MOGAT1: variants seen among roughly 807,000 people sequenced by gnomAD.
The protein encoded by MOGAT1 is monoacylglycerol O-acyltransferase 1.
MOGAT1 carries 32 observed loss-of-function variants against 31.4 expected under a neutral mutation model. The observed-to-expected ratio is 1.02, with a 90% CI of 0.77 to 1.37. The LOEUF (loss-of-function observed/expected upper bound fraction) is 1.37. MOGAT1 is among the 40% of genes most tolerant of loss of function. The pLI is 0.00. For missense variants in MOGAT1, 426 were observed against 402.0 expected, an observed-to-expected ratio of 1.06 and a Z score of -0.51; for synonymous variants, 145 against 144.5, an observed-to-expected ratio of 1.00 and a Z score of -0.03.
At chr2:222,689,241 A>G in intron 2 of MOGAT1, 24 bp from the exon 3 acceptor site, 1 of 1,546,368 alleles carries the variant, frequency 6.5e-7, no homozygotes, top group African/African-American at 1.4e-5. Flanking sequence ...TTTTTTTTAA[A>G]ATCTCAATAT....
At chr2:222,702,603 C>T (rs1692943330) in intron 5 of MOGAT1, among the ~76,000 whole-genome samples, 1 of 151,834 alleles carries the variant, frequency 6.6e-6, no homozygotes, top group Non-Finnish European at 1.5e-5. Flanking sequence ...TGTATTCCTT[C>T]TGAAGGTTTG....
intron 3 of MOGAT1, among the ~76,000 whole-genome samples, chr2:222,693,448 GTTTTTT>G (rs11331017): frequency 4.3e-5 from 5 of 116,190 alleles, no homozygotes; most frequent in African/African-American, 1.5e-4. Context: ...CAAATGTCTT[GTTTTTT>G]TTTTTTTTTT....
chr2:222,681,018 T>A (rs1179679769), intron 1 of MOGAT1, among the ~76,000 whole-genome samples: 1 of 152,170 alleles, frequency 6.6e-6, no homozygotes, highest in African/African-American at 2.4e-5. Context: ...ATCATTAATG[T>A]ATGGGAATTG....
At chr2:222,689,238 TAAAA>T in intron 2 of MOGAT1, 23 bp from the exon 3 acceptor site, 1 of 1,539,958 alleles carries the variant, frequency 6.5e-7, no homozygotes, top group Admixed American at 2.2e-5. Context: ...TTCTTTTTTT[TAAAA>T]TCTCAATATG....
At chr2:222,691,064 C>T (rs553550006) in intron 3 of MOGAT1, among the ~76,000 whole-genome samples, 16 of 152,254 alleles carry the variant, frequency 1.1e-4, no homozygotes, top group South Asian at 8.3e-4. Flanking sequence ...TCTCCATAGC[C>T]TTATCAGACA....
chr2:222,679,284 A>G (rs1214650439), intron 1 of MOGAT1, among the ~76,000 whole-genome samples: 2 of 152,164 alleles, frequency 1.3e-5, no homozygotes. Flanking sequence ...TGTTTTGATT[A>G]TTATAGCTTT....
chr2:222,672,973 G>C (rs902468385), intron 1 of MOGAT1, among the ~76,000 whole-genome samples: 3 of 150,554 alleles, frequency 2.0e-5, no homozygotes, highest in African/African-American at 7.3e-5. Context: ...GAGTGCAGTG[G>C]CGCCATCTCG....
At chr2:222,686,967 A>G (rs1168228004) in intron 1 of MOGAT1, among the ~76,000 whole-genome samples, 3 of 151,868 alleles carry the variant, frequency 2.0e-5, no homozygotes, top group Non-Finnish European at 4.4e-5. Flanking sequence ...TACAAAAATT[A>G]GCTGGGCGTG....
rs77567312 is a variant in MOGAT1 at position 222,689,414 on chromosome 2, C to T, written c.423C>T (p.His141=). The T allele has an allele frequency of 1.5e-3, 2,498 of 1,613,980 alleles. 34 individuals carry two copies. The African/African-American group carries it at 0.025, about 16-fold the overall frequency. Residue 141 remains histidine, a synonymous_variant, in exon 3 of 6, where the codon CAC becomes CAT. Transcript: ENST00000446656. The stretch of plus-strand genomic sequence containing the variant: ...TTCCTGGCTTTACTTCATATCTTCA[C>T]GTGCTGCCACTTTGGTTCTGGTGTC... ...DLFPGFTSYL[H]VLPLWFWCPV... is the part of the protein sequence containing the mutation.
chr2:222,685,139 A>G (rs541667353), intron 1 of MOGAT1, among the ~76,000 whole-genome samples: 6 of 152,358 alleles, frequency 3.9e-5, no homozygotes, highest in African/African-American at 1.4e-4. Flanking sequence ...TAACCTGTTC[A>G]TAGGGGAAAA....
rs775492162 is a variant in MOGAT1 at position 222,695,150 on chromosome 2, C to T, written c.715C>T (p.Pro239Ser). The part of the protein sequence containing the change: ...ENELFKQTDN[P>S]EGSWIRTVQN... ...TGAACTGTTTAAACAAACTGACAAC[C>T]CTGAAGGATCATGGATTAGAACTGT... The change falls in exon 5 of 6, where the codon CCT becomes TCT. Residue 239 changes from proline (P) to serine (S), a missense_variant. By Grantham distance (74) the Pro-to-Ser change is moderately conservative. Coordinates refer to ENST00000446656, the MANE Select transcript of MOGAT1 (RefSeq NM_058165.3). 7.4e-6 allele frequency: 12 copies of T among 1,613,020 alleles called. No homozygotes were observed. Among genetic ancestry groups the T allele is most frequent in the Non-Finnish European group, 1.0e-5 (12 of 1,179,576 alleles).
intron 5 of MOGAT1, among the ~76,000 whole-genome samples, chr2:222,697,513 T>A (rs1038192316): frequency 1.3e-5 from 2 of 151,570 alleles, no homozygotes; most frequent in African/African-American, 4.8e-5. Context: ...GATATGGAAC[T>A]GAGTTGGGGA....
At chr2:222,701,300 GA>G (rs1254824807) in intron 5 of MOGAT1, among the ~76,000 whole-genome samples, 3 of 33,516 alleles carry the variant, frequency 9.0e-5, no homozygotes, top group East Asian at 3.6e-4. Context: ...GGAGGAGGAG[GA>G]GAGAGAGAGA....
At chr2:222,709,685 GT>G in intron 5 of MOGAT1, 50 bp from the exon 6 acceptor site, 1 of 1,572,226 alleles carries the variant, frequency 6.4e-7, no homozygotes, top group Non-Finnish European at 8.7e-7. Context: ...GCGGCGGTCT[GT>G]GGTGGAGTGG....
intron 1 of MOGAT1, among the ~76,000 whole-genome samples, chr2:222,674,869 T>A (rs1354086673): frequency 6.6e-6 from 1 of 152,158 alleles, no homozygotes; most frequent in Non-Finnish European, 1.5e-5. Flanking sequence ...TGGGGCCTCC[T>A]TATGTTGCCC....
At chr2:222,702,805 C>T (rs984784777) in intron 5 of MOGAT1, among the ~76,000 whole-genome samples, 2 of 147,910 alleles carry the variant, frequency 1.4e-5, no homozygotes, top group African/African-American at 2.5e-5. Context: ...GCCTGGGCAA[C>T]AGAACAAGAC....
Position 222,695,294 on chromosome 2 carries a change from T to C in MOGAT1, c.853+6T>C. The C allele has an allele frequency of 1.3e-6, 2 of 1,580,370 alleles. No individual in the cohort carries two copies. Among genetic ancestry groups the C allele is most frequent in the East Asian group, 2.2e-5 (1 of 44,628 alleles). On this transcript the variant is annotated splice_donor_region_variant and intron_variant, in intron 5 of 5. Coordinates refer to ENST00000446656, the MANE Select transcript of MOGAT1 (RefSeq NM_058165.3). ...GAAAGCCATCCACACTGTTGGTATG[T>C]ACATAAAATAACTACAACTATTAGC...
chr2:222,694,249 A>C, intron 3 of MOGAT1, 113 bp from the exon 4 acceptor site: 1 of 932,424 alleles, frequency 1.1e-6, no homozygotes, highest in South Asian at 1.9e-5. Flanking sequence ...CTCCAAAGGT[A>C]AGCAGTGTAG....
chr2:222,673,713 C>T (rs1041080829), intron 1 of MOGAT1, among the ~76,000 whole-genome samples: 2 of 152,198 alleles, frequency 1.3e-5, no homozygotes, highest in Non-Finnish European at 1.5e-5. Context: ...ACTTCCTAAC[C>T]GATCATTCAA....
Sources: gnomAD v4.1 joint callset for allele counts (sites outside exome capture counted in the v4.1 genomes callset) on GRCh38, gnomAD v4.1.1 for gene constraint, MANE v1.5 for transcripts, NCBI Gene and HGNC (gene_info 2026-07-23, HGNC 2026-07-21) for gene names.